TGFBI: variants seen among roughly 807,000 people sequenced by gnomAD.
TGFBI encodes the protein transforming growth factor-beta-induced protein ig-h3.
Under a neutral mutation model 73.7 loss-of-function variants are expected in TGFBI, and 50 were observed. That is an observed-to-expected ratio of 0.68 (90% confidence interval 0.54 to 0.86). TGFBI has a LOEUF of 0.86. Ranked by LOEUF, TGFBI falls within the 40% of genes least tolerant of loss-of-function variation. The pLI is 0.00. For missense variants in TGFBI, 839 were observed against 877.0 expected (o/e 0.96, Z 0.55); for synonymous variants, 362 against 360.5 (o/e 1.00, Z -0.05).
chr5:136,062,565 T>C (rs1413348653), intron 15 of TGFBI, 98 bp from the exon 16 acceptor site: 2 of 1,311,024 alleles, frequency 1.5e-6, no homozygotes, highest in Non-Finnish European at 2.2e-6. Context: ...GCCCCAGCAT[T>C]TTTTCTGAGT....
intron 3 of TGFBI, among the ~76,000 whole-genome samples, 194 bp downstream of exon 3, chr5:136,044,316 C>T (rs1751388562): frequency 6.6e-6 from 1 of 152,268 alleles, no homozygotes; most frequent in South Asian, 2.1e-4. Context: ...AGCGCATTTC[C>T]TGAGCTGCTC....
At chr5:136,035,983 A>G (rs566290419) in intron 2 of TGFBI, among the ~76,000 whole-genome samples, 10 of 152,282 alleles carry the variant, frequency 6.6e-5, no homozygotes, top group East Asian at 5.8e-4. Context: ...AACATTCCCT[A>G]TCAGTGTCCA....
intron 1 of TGFBI, 109 bp downstream of exon 1, chr5:136,029,298 G>T: frequency 5.5e-6 from 7 of 1,267,676 alleles, no homozygotes; most frequent in Non-Finnish European, 7.2e-6. Flanking sequence ...GACAAAGCCC[G>T]AACTAAAAAC....
chr5:136,049,595 G>A lies in TGFBI; in HGVS notation c.913+15G>A, dbSNP rs1375731360. 1 of 1,609,516 alleles carries A rather than the reference G, an allele frequency of 6.2e-7. No homozygotes were observed. The highest frequency in any genetic ancestry group is 8.5e-7 in the Non-Finnish European group (1 of 1,177,764). On this transcript the variant is annotated intron_variant, in intron 7 of 16. Transcript: ENST00000442011. ...AGCCCTGAGAGGTGAGCATCCTTTG[G>A]CTCCTGCTGCTGCCTCATTTGTGCA...
chr5:136,061,765 C>G, intron 15 of TGFBI, 186 bp downstream of exon 15: 1 of 662,884 alleles, frequency 1.5e-6, no homozygotes, highest in Middle Eastern at 3.9e-4. Flanking sequence ...AGAACCAAGG[C>G]AACTCCCTGG....
chr5:136,038,999 A>G (rs1017425779), intron 2 of TGFBI, among the ~76,000 whole-genome samples: 1 of 152,220 alleles, frequency 6.6e-6, no homozygotes, highest in African/African-American at 2.4e-5. Flanking sequence ...ACAGAAAGCA[A>G]TGGGAAGCCA....
At position 136,045,969 on chromosome 5, in the gene TGFBI, G is replaced by A. The variant is rs552479077; in HGVS notation, c.299-366G>A. ...TCTTATTCTAATAGAAGCCATTAGG[G>A]AACCAGTTTCAATAAACAGGTAAAT... On this transcript the variant is annotated intron_variant, in intron 3 of 16. Coordinates refer to ENST00000442011, the MANE Select transcript of TGFBI (RefSeq NM_000358.3). 3 of 172,392 alleles carry A rather than the reference G, an allele frequency of 1.7e-5. No homozygotes were observed. The South Asian group carries it at 5.6e-4, about 32-fold the overall frequency. The allele number at this position is 172,392 out of a possible 1,614,324, so 10.7% of individuals were successfully genotyped here. A position where few individuals can be genotyped will look rare whatever the true frequency, so the allele number is the denominator to read the frequency against.
At position 136,047,063 on chromosome 5, in the gene TGFBI, C is replaced by A. The variant is rs545446386; in HGVS notation, c.624+48C>A. 2.5e-6 allele frequency: 4 copies of A among 1,598,898 alleles called. No individual in the cohort carries two copies. In the South Asian group the frequency reaches 4.5e-5, roughly 18 times the overall value. On this transcript the variant is annotated intron_variant, in intron 5 of 16. Coordinates refer to ENST00000442011, the MANE Select transcript of TGFBI (RefSeq NM_000358.3). ...GCATGGCCCTTGGTGCATAATGAAC[C>A]CATTTCTGTTCCATGTGTGGGCTGG...
At chr5:136,042,010 A>T (rs1751347436) in intron 2 of TGFBI, among the ~76,000 whole-genome samples, 1 of 152,242 alleles carries the variant, frequency 6.6e-6, no homozygotes, top group Admixed American at 6.5e-5. Context: ...GACTTTGAGG[A>T]TAACACTATT....
chr5:136,029,298 G>GA lies in TGFBI; in HGVS notation c.134+111dup, dbSNP rs2126900172. On this transcript the variant is annotated intron_variant, in intron 1 of 16. Coordinates refer to ENST00000442011, the MANE Select transcript of TGFBI (RefSeq NM_000358.3). The stretch of plus-strand genomic sequence containing the variant: ...GCTGGGGGCGCAGGGGACAAAGCCC[G>GA]AACTAAAAACCTTGCAGCATGGAGC... The GA allele has an allele frequency of 1.0e-5, 13 of 1,267,680 alleles. No homozygotes were observed. In the South Asian group the frequency reaches 2.3e-4, roughly 23 times the overall value. 78.5% of individuals were successfully genotyped at this position (1,267,680 alleles called of 1,614,324 possible).
chr5:136,044,244 C>A, intron 3 of TGFBI, 122 bp downstream of exon 3: 1 of 823,114 alleles, frequency 1.2e-6, no homozygotes, highest in Non-Finnish European at 2.0e-6. Context: ...ACATGGCATT[C>A]TCCCCACGTG....
Position 136,049,573 on chromosome 5 carries a change from C to T in TGFBI, c.906C>T (p.Ala302=). 2 of 1,613,486 alleles carry T rather than the reference C, an allele frequency of 1.2e-6. No homozygotes were observed. Among genetic ancestry groups the T allele is most frequent in the South Asian group, 2.2e-5 (2 of 90,862 alleles). Residue 302 remains alanine (A), a synonymous_variant, in exon 7 of 17, where the codon GCC becomes GCT. Coordinates refer to ENST00000442011, the MANE Select transcript of TGFBI (RefSeq NM_000358.3). ...TLNRILGDPE[A]LRDLLNNHIL... The stretch of plus-strand genomic sequence containing the variant: ...ACCGTATCCTGGGCGACCCAGAAGC[C>T]CTGAGAGGTGAGCATCCTTTGGCTC...
chr5:136,060,539 C>T (rs571815944), intron 13 of TGFBI, among the ~76,000 whole-genome samples: 2 of 152,256 alleles, frequency 1.3e-5, no homozygotes, highest in East Asian at 1.9e-4. Context: ...GGTGAAACCA[C>T]ATCTCTACTA....
intron 12 of TGFBI, 27 bp downstream of exon 12, chr5:136,056,822 C>A: frequency 6.3e-7 from 1 of 1,593,446 alleles, no homozygotes; most frequent in Non-Finnish European, 8.6e-7. Flanking sequence ...GTACACGTCT[C>A]CATTTTTCTA....
rs527717184 is a variant in TGFBI, at chr5:136,035,398, C to T, written c.233+1537C>T. On this transcript the variant is annotated intron_variant, in intron 2 of 16. Coordinates refer to ENST00000442011, the MANE Select transcript of TGFBI (RefSeq NM_000358.3). The stretch of plus-strand genomic sequence containing the variant: ...CAACACTTTGGGAGGCCGAGGTGGG[C>T]GGATCACAAGGTCAGGAGACAGAGA... 2.1e-3 allele frequency among the ~76,000 whole-genome samples: 314 copies of T among 152,144 alleles called. 1 individual carries two copies. Among genetic ancestry groups the T allele is most frequent in the African/African-American group, 7.0e-3 (289 of 41,512 alleles).
chr5:136,057,971 G>A (rs1345282689), intron 12 of TGFBI, among the ~76,000 whole-genome samples: 2 of 152,138 alleles, frequency 1.3e-5, no homozygotes, highest in African/African-American at 2.4e-5. Context: ...TTATGTGGGA[G>A]TTGAGGAGGG....
chr5:136,039,899 A>T (rs1219718006), intron 2 of TGFBI, among the ~76,000 whole-genome samples: 1 of 152,218 alleles, frequency 6.6e-6, no homozygotes, highest in East Asian at 1.9e-4. Context: ...TCCATGGGCC[A>T]TGTCAGATGT....
rs996059135 is a variant in TGFBI at position 136,059,324 on chromosome 5, C to T, written c.1803+110C>T. On this transcript the variant is annotated intron_variant, in intron 13 of 16. Coordinates refer to ENST00000442011, the MANE Select transcript of TGFBI (RefSeq NM_000358.3). ...CACACACAACCTTCAAGTTGCAGCC[C>T]GAATCTCTGAGTGTAATTCGTCCAA... is the stretch of plus-strand genomic sequence containing the variant. 77 of 1,433,194 alleles carry T rather than the reference C, an allele frequency of 5.4e-5. No homozygotes were observed. The African/African-American group carries it at 8.7e-4, about 16-fold the overall frequency. The allele number at this position is 1,433,194 out of a possible 1,614,324, so 88.8% of individuals were successfully genotyped here.
chr5:136,059,161 G>A lies in TGFBI; in HGVS notation c.1750G>A (p.Gly584Arg), dbSNP rs540916345. The A allele has an allele frequency of 1.2e-5, 20 of 1,610,796 alleles. No individual in the cohort carries two copies. Among genetic ancestry groups the A allele is most frequent in the African/African-American group, 4.0e-5 (3 of 74,974 alleles). The part of the protein sequence containing the change: ...GDEILVSGGI[G>R]ALVRLKSLQG... ...TGAAATCCTGGTTAGCGGAGGCATC[G>A]GGGCCCTGGTGCGGCTAAAGTCTCT... The change falls in exon 13 of 17, where the codon GGG becomes AGG. Residue 584 changes from glycine (G) to arginine (R), a missense_variant. Gly to Arg is a moderately radical substitution (Grantham distance 125). Transcript: ENST00000442011.
Sources: gnomAD v4.1 joint callset for allele counts (sites outside exome capture counted in the v4.1 genomes callset) on GRCh38, gnomAD v4.1.1 for gene constraint, MANE v1.5 for transcripts, NCBI Gene and HGNC (gene_info 2026-07-23, HGNC 2026-07-21) for gene names.